The following SLC14A2 variants were observed in gnomAD, a reference collection of about 807,000 sequenced individuals.
SLC14A2 encodes urea transporter 2.
SLC14A2 carries 91 observed loss-of-function variants against 104.6 expected under a neutral mutation model. The observed-to-expected ratio is 0.87, with a 90% CI of 0.73 to 1.04. SLC14A2 has a LOEUF of 1.04. Among genes scored for constraint, SLC14A2 ranks in the 50% least tolerant of loss-of-function variants. SLC14A2 has a pLI of 0.00. For synonymous variants in SLC14A2, 476 were observed against 466.4 expected, an observed-to-expected ratio of 1.02 and a Z score of -0.27; for missense variants, 1,189 against 1,156.0, an observed-to-expected ratio of 1.03 and a Z score of -0.41.
chr18:45,419,089 G>A (rs564980440), intron 1 of SLC14A2, among the ~76,000 whole-genome samples: 11 of 152,338 alleles, frequency 7.2e-5, no homozygotes, highest in African/African-American at 2.4e-4. Flanking sequence ...AGTGATAAAT[G>A]TTTCTGACCA....
chr18:45,254,145 T>A (rs2084451285), intron 1 of SLC14A2, among the ~76,000 whole-genome samples: 1 of 152,204 alleles, frequency 6.6e-6, no homozygotes, highest in Admixed American at 6.5e-5. Flanking sequence ...CCTGGGACTG[T>A]CAACCAGCTC....
intron 1 of SLC14A2, among the ~76,000 whole-genome samples, chr18:45,242,285 C>T (rs902718639): frequency 6.6e-6 from 1 of 152,078 alleles, no homozygotes; most frequent in African/African-American, 2.4e-5. Context: ...GAAATGTTCC[C>T]GTGCTACATT....
At chr18:45,404,487 T>G (rs1193558935) in intron 1 of SLC14A2, among the ~76,000 whole-genome samples, 2 of 152,196 alleles carry the variant, frequency 1.3e-5, no homozygotes, top group African/African-American at 4.8e-5. Flanking sequence ...ACTTCATACC[T>G]GCTAGAATGG....
chr18:45,266,813 T>G (rs2084596548), intron 1 of SLC14A2, among the ~76,000 whole-genome samples: 1 of 152,184 alleles, frequency 6.6e-6, no homozygotes, highest in African/African-American at 2.4e-5. Flanking sequence ...CTGGGTGATA[T>G]GAGTACTTCT....
At chr18:45,659,641 TAATC>T (rs756313298) in intron 10 of SLC14A2, among the ~76,000 whole-genome samples, 10 of 152,208 alleles carry the variant, frequency 6.6e-5, no homozygotes, top group South Asian at 2.1e-4. Context: ...ACACTAGAAA[TAATC>T]AATCCTTGCC....
chr18:45,432,006 G>A (rs748210174), intron 1 of SLC14A2, among the ~76,000 whole-genome samples: 6 of 152,102 alleles, frequency 3.9e-5, no homozygotes, highest in African/African-American at 1.4e-4. Context: ...ACAACCCCTG[G>A]TTTATGTAGT....
the SLC14A2 span, among the ~76,000 whole-genome samples, chr18:45,189,555 C>T: frequency 5.9e-5 from 9 of 152,150 alleles, no homozygotes; most frequent in South Asian, 2.1e-4. Flanking sequence ...ATGATTGAGA[C>T]GCTGGGTCTT....
intron 1 of SLC14A2, among the ~76,000 whole-genome samples, chr18:45,321,765 C>T (rs956724066): frequency 2.0e-5 from 3 of 152,264 alleles, no homozygotes; most frequent in Non-Finnish European, 2.9e-5. Flanking sequence ...GCACCTGTAC[C>T]GAGCAGTCAT....
chr18:45,174,846 G>T, the SLC14A2 span, among the ~76,000 whole-genome samples: 1 of 152,108 alleles, frequency 6.6e-6, no homozygotes, highest in Non-Finnish European at 1.5e-5. Flanking sequence ...AAAAGGAAAT[G>T]CAAAAGGCTC....
chr18:45,534,072 A>G (rs1299126669), intron 2 of SLC14A2, among the ~76,000 whole-genome samples: 1 of 152,224 alleles, frequency 6.6e-6, no homozygotes, highest in East Asian at 1.9e-4. Flanking sequence ...TGTGCTTCCC[A>G]TCTAGGGAAC....
At chr18:45,493,126 T>C (rs1294943325) in intron 2 of SLC14A2, 1 of 152,264 alleles carries the variant, frequency 6.6e-6, no homozygotes, top group Non-Finnish European at 1.5e-5. Flanking sequence ...CCCTGGTATA[T>C]GGCCACCTCC....
Position 45,667,092 on chromosome 18 carries a change from A to C in SLC14A2, c.1715A>C (p.Lys572Thr), listed in dbSNP as rs754736852. The stretch of plus-strand genomic sequence containing the variant: ...ATGAAGGAGTGTGGAGAGGGACTTA[A>C]AGGTAAAATTCTATGAGAACAACAC... ...GEMKECGEGL[K>T]DKSPVFQFFD... Residue 572 changes from lysine to threonine, a missense_variant and splice_region_variant, in exon 13 of 20, where the codon AAA becomes ACA. Coordinates refer to ENST00000255226, the MANE Select transcript of SLC14A2 (RefSeq NM_007163.4). 6.2e-7 allele frequency: 1 copy of C among 1,612,672 alleles called. No homozygotes were observed. Among genetic ancestry groups the C allele is most frequent in the Non-Finnish European group, 8.5e-7 (1 of 1,179,222 alleles).
At chr18:45,282,543 T>C (rs74485341) in intron 1 of SLC14A2, among the ~76,000 whole-genome samples, 1,529 of 152,240 alleles carry the variant, frequency 0.01, 18 homozygotes, top group East Asian at 0.029. Flanking sequence ...AATGATCTCA[T>C]GGAGGACACA....
intron 1 of SLC14A2, among the ~76,000 whole-genome samples, chr18:45,324,948 G>A (rs927827698): frequency 3.3e-5 from 5 of 152,126 alleles, no homozygotes; most frequent in South Asian, 2.1e-4. Context: ...CCTGCGGTGC[G>A]TTTTTCACTC....
intron 1 of SLC14A2, among the ~76,000 whole-genome samples, chr18:45,392,674 T>C (rs2085983824): frequency 6.6e-6 from 1 of 152,178 alleles, no homozygotes; most frequent in African/African-American, 2.4e-5. Context: ...AGTGCAAAAA[T>C]ATGTCATTTA....
chr18:45,616,768 A>G (rs1002099319), intron 1 of SLC14A2, among the ~76,000 whole-genome samples: 4 of 152,228 alleles, frequency 2.6e-5, no homozygotes, highest in African/African-American at 9.7e-5. Context: ...AGAGGGCTCA[A>G]TATGTGGAAC....
chr18:45,218,521 G>C lies in SLC14A2; in HGVS notation c.-125+5330G>C, dbSNP rs188804307. Among the ~76,000 whole-genome samples, 25 of 152,228 alleles carry C rather than the reference G, an allele frequency of 1.6e-4. No homozygotes were observed. In the East Asian group the frequency reaches 4.3e-3, roughly 26 times the overall value. ...TATATTGTGAAATATGTGACTGTTT[G>C]ACTTCAGAGCTTGAATACAGACCTT... On this transcript the variant is annotated intron_variant, in intron 1 of 20. Transcript: ENST00000586448.
chr18:45,484,522 T>C (rs777732897), intron 2 of SLC14A2, among the ~76,000 whole-genome samples: 11 of 152,142 alleles, frequency 7.2e-5, no homozygotes, highest in Non-Finnish European at 1.5e-4. Context: ...CTTTGAATGG[T>C]CAATTGTTCT....
intron 1 of SLC14A2, among the ~76,000 whole-genome samples, chr18:45,453,424 T>G (rs1410017563): frequency 6.6e-6 from 1 of 152,028 alleles, no homozygotes; most frequent in Non-Finnish European, 1.5e-5. Context: ...ATTTTTAAAA[T>G]CAAAAATTAA....
Sources: gnomAD v4.1 joint callset for allele counts (sites outside exome capture counted in the v4.1 genomes callset) on GRCh38, gnomAD v4.1.1 for gene constraint, MANE v1.5 for transcripts, NCBI Gene and HGNC (gene_info 2026-07-23, HGNC 2026-07-21) for gene names.